Variants in CDK12 observed in about 807,000 individuals in gnomAD.
The protein encoded by CDK12 is cyclin-dependent kinase 12.
A neutral mutation model predicts 133.8 loss-of-function variants in CDK12; 17 were observed. That is an observed-to-expected ratio of 0.13 (90% CI 0.09 to 0.19). The LOEUF (loss-of-function observed/expected upper bound fraction) is 0.19, where lower values mean the gene tolerates loss of function less well. Among genes scored for constraint, CDK12 ranks in the 10% least tolerant of loss-of-function variants. The pLI is 1.00. For missense variants in CDK12, 1,508 were observed against 1,818.7 expected, an observed-to-expected ratio of 0.83 and a Z score of 3.11; for synonymous variants, 694 against 683.6, an observed-to-expected ratio of 1.02 and a Z score of -0.24.
chr17:39,506,616 C>T (rs1179366642), intron 6 of CDK12, among the ~76,000 whole-genome samples: 2 of 152,070 alleles, frequency 1.3e-5, no homozygotes, highest in Non-Finnish European at 2.9e-5. Flanking sequence ...TAGGGATTAG[C>T]TATATCACAA....
At chr17:39,472,627 T>C (rs2049879246) in intron 2 of CDK12, among the ~76,000 whole-genome samples, 1 of 151,902 alleles carries the variant, frequency 6.6e-6, no homozygotes, top group Non-Finnish European at 1.5e-5. Flanking sequence ...CGAGCCAAGA[T>C]TGCATATTGC....
chr17:39,462,923 C>G lies in CDK12; in HGVS notation c.852C>G (p.Ala284=). 1 of 1,614,190 alleles carries G rather than the reference C, an allele frequency of 6.2e-7. No homozygotes were observed. The change falls in exon 1 of 14, where the codon GCC becomes GCG. Residue 284 remains alanine (A), a synonymous_variant. Coordinates refer to ENST00000447079, the MANE Select transcript of CDK12 (RefSeq NM_016507.4). ...SVSPPYKEPS[A]YQSSTRSPSP... is the part of the protein sequence containing the mutation. Reference sequence around the variant, plus strand: ...GTCCCCCTTACAAGGAGCCTTCGGCCTACCAGTCCAGCACCCGGTCACCGA... The same window carrying G: ...GTCCCCCTTACAAGGAGCCTTCGGCGTACCAGTCCAGCACCCGGTCACCGA...
intron 4 of CDK12, 76 bp downstream of exon 4, chr17:39,492,966 A>C (rs2051756786): frequency 1.6e-6 from 2 of 1,261,906 alleles, no homozygotes; most frequent in Non-Finnish European, 2.2e-6. Context: ...TGGATTTAGC[A>C]AAAGTAAATT....
chr17:39,485,080 G>A (rs1317375659), intron 2 of CDK12, among the ~76,000 whole-genome samples: 1 of 150,728 alleles, frequency 6.6e-6, no homozygotes, highest in Non-Finnish European at 1.5e-5. Context: ...TGAGGCAGGA[G>A]AATGGCGTGA....
At chr17:39,497,480 T>G (rs939895496) in intron 5 of CDK12, among the ~76,000 whole-genome samples, 3 of 151,614 alleles carry the variant, frequency 2.0e-5, no homozygotes, top group Admixed American at 2.0e-4. Context: ...GAGGTAGAGA[T>G]TGCAGTGAGC....
At chr17:39,513,217 G>T (rs62077465) in intron 8 of CDK12, among the ~76,000 whole-genome samples, 2 of 152,146 alleles carry the variant, frequency 1.3e-5, no homozygotes, top group East Asian at 3.8e-4. Context: ...ATCTTATGTT[G>T]TATGATTTAT....
At position 39,482,015 on chromosome 17, in the gene CDK12, C is replaced by CTTTTTTTTTTTTTTTTTTT. The variant is rs56340258; in HGVS notation, c.1932-8526_1932-8525insTTTTTTTTTTTTTTTTTTT. On this transcript the variant is annotated intron_variant, in intron 2 of 13. Transcript: ENST00000447079. ...GATTACAGGCATGAGCCTGGCTTGC[C>CTTTTTTTTTTTTTTTTTTT]TTTTTTTTTTTTTTTTAACAGAGTT... Among the ~76,000 whole-genome samples the CTTTTTTTTTTTTTTTTTTT allele has an allele frequency of 7.3e-5, 7 of 96,228 alleles. 1 individual carries two copies. Among genetic ancestry groups the CTTTTTTTTTTTTTTTTTTT allele is most frequent in the African/African-American group, 1.7e-4 (5 of 30,246 alleles). The allele number at this position is 96,228 out of a possible 152,430, so 63.1% of individuals were successfully genotyped here.
At chr17:39,523,486 G>GAA (rs1186830955) in intron 11 of CDK12, among the ~76,000 whole-genome samples, 1 of 149,498 alleles carries the variant, frequency 6.7e-6, no homozygotes, top group African/African-American at 2.5e-5. Context: ...AAAAGAAAAA[G>GAA]AAAAAAAAAG....
chr17:39,471,589 C>T lies in CDK12; in HGVS notation c.1757C>T (p.Pro586Leu), dbSNP rs760432287. ...VPASSTSTLP[P>L]STHSKTSAVS... Reference sequence around the variant, plus strand: ...GCTTCCAGTACTTCAACTTTGCCCCCTTCTACTCACTCAAAGACATCTGCT... The same window carrying T: ...GCTTCCAGTACTTCAACTTTGCCCCTTTCTACTCACTCAAAGACATCTGCT... The change falls in exon 2 of 14, where the codon CCT becomes CTT. Residue 586 changes from proline to leucine, a missense_variant. Physicochemically the swap from Pro to Leu is moderately conservative, Grantham distance 98. This residue lies in a region of CDK12 where 347 missense variants were observed against 330.8 expected (regional missense o/e 1.05). Coordinates refer to ENST00000447079, the MANE Select transcript of CDK12 (RefSeq NM_016507.4). 1.9e-6 allele frequency: 3 copies of T among 1,614,114 alleles called. No homozygotes were observed. Among genetic ancestry groups the T allele is most frequent in the Non-Finnish European group, 2.5e-6 (3 of 1,180,036 alleles).
At chr17:39,493,174 T>G (rs1392400569) in intron 4 of CDK12, among the ~76,000 whole-genome samples, 5 of 150,762 alleles carry the variant, frequency 3.3e-5, no homozygotes, top group African/African-American at 9.7e-5. Context: ...TTGTTTTTTT[T>G]TTTTTTTTAG....
chr17:39,479,287 G>A (rs528352570), intron 2 of CDK12, among the ~76,000 whole-genome samples: 322 of 6,996 alleles, frequency 0.046, 1 homozygote, highest in Non-Finnish European at 0.12. Context: ...GAGCCTGGGC[G>A]ACAAGAGCGA....
chr17:39,558,622 T>TA (rs1373149988), intron 3 of CDK12, among the ~76,000 whole-genome samples: 1 of 152,210 alleles, frequency 6.6e-6, no homozygotes, highest in African/African-American at 2.4e-5. Context: ...TCCAAACAAA[T>TA]AAAACTTCAT....
In CDK12 at chr17:39,562,773, G is replaced by C. The variant is rs570632413; in HGVS notation, n.485-1987G>C. On this transcript the variant is annotated intron_variant and non_coding_transcript_variant, in intron 3 of 3. Coordinates refer to the CDK12 transcript ENST00000558240. ...ATCGAGGGTAGGCTTCAAAAGCCCA[G>C]CTGGGCCTCAAACTTCAGGCCTGCC... 8.2e-4 allele frequency among the ~76,000 whole-genome samples: 124 copies of C among 152,114 alleles called. 1 individual carries two copies. Among genetic ancestry groups the C allele is most frequent in the African/African-American group, 2.7e-3 (111 of 41,514 alleles).
intron 2 of CDK12, among the ~76,000 whole-genome samples, chr17:39,490,309 G>A (rs1013651872): frequency 1.3e-5 from 2 of 151,758 alleles, no homozygotes; most frequent in Non-Finnish European, 2.9e-5. Flanking sequence ...AGAGGTTGTA[G>A]TGAGCCAAGA....
downstream of CDK12, chr17:39,535,045 C>T (rs1474917480): frequency 6.6e-6 from 1 of 152,178 alleles, no homozygotes; most frequent in East Asian, 1.9e-4. Context: ...GATGCGTTGC[C>T]AATCCAGAAA....
At chr17:39,505,227 CA>C (rs149103539) in intron 6 of CDK12, among the ~76,000 whole-genome samples, 482 of 47,592 alleles carry the variant, frequency 0.01, 1 homozygote, top group Middle Eastern at 0.085. Context: ...GACTCCGTTT[CA>C]AAAAAAAAAA....
At chr17:39,509,662 C>T in intron 6 of CDK12, 43 bp from the exon 7 acceptor site, 1 of 1,394,790 alleles carries the variant, frequency 7.2e-7, no homozygotes, top group Non-Finnish European at 1.0e-6. Context: ...ATTTTGGAGG[C>T]CACTGCTATG....
chr17:39,495,384 G>GTTTGTTTT (rs1567730020), intron 5 of CDK12, among the ~76,000 whole-genome samples: 1 of 110,692 alleles, frequency 9.0e-6, no homozygotes, highest in African/African-American at 3.7e-5. Flanking sequence ...GGCCTCATGT[G>GTTTGTTTT]TTTTTTTTTT....
At chr17:39,563,707 G>A (rs747432116) in intron 3 of CDK12, among the ~76,000 whole-genome samples, 6 of 152,116 alleles carry the variant, frequency 3.9e-5, no homozygotes, top group Non-Finnish European at 7.3e-5. Flanking sequence ...GGCGGAGGAA[G>A]ATTAAGAGAA....
Sources: gnomAD v4.1 joint callset for allele counts (sites outside exome capture counted in the v4.1 genomes callset) on GRCh38, gnomAD v4.1.1 for gene constraint, gnomAD v4.1.1 regional missense constraint, MANE v1.5 for transcripts, NCBI Gene and HGNC (gene_info 2026-07-23, HGNC 2026-07-21) for gene names.